TRAPPC9: variants seen among roughly 807,000 people sequenced by gnomAD.
TRAPPC9 encodes the protein trafficking protein particle complex subunit 9.
In TRAPPC9, 83 loss-of-function variants were observed where a neutral mutation model predicts 124.0. The ratio of observed to expected loss-of-function variants is 0.67; its 90% confidence interval spans 0.56 to 0.80. The LOEUF (loss-of-function observed/expected upper bound fraction) is 0.80. Ranked by LOEUF, TRAPPC9 falls within the 30% of genes least tolerant of loss-of-function variation. The pLI is 0.00. For synonymous variants in TRAPPC9, 638 were observed against 617.5 expected (o/e 1.03, Z -0.49); for missense variants, 1,302 against 1,508.3 (o/e 0.86, Z 2.27).
rs775060710 is a variant in TRAPPC9 at position 139,730,038 on chromosome 8, G to T, written c.*1023C>A. ...CTGGCCCTCAAGGGAGATGTGAGCC[G>T]TGTGCTTTCTCTCTCCGGTCCTCCC... On this transcript the variant is annotated 3_prime_UTR_variant, in exon 23 of 23. Coordinates refer to ENST00000438773, the MANE Select transcript of TRAPPC9 (RefSeq NM_001160372.4). Among the ~76,000 whole-genome samples the T allele has an allele frequency of 6.6e-6, 1 of 152,150 alleles. No individual in the cohort carries two copies. Among genetic ancestry groups the T allele is most frequent in the Non-Finnish European group, 1.5e-5 (1 of 68,018 alleles).
intron 15 of TRAPPC9, among the ~76,000 whole-genome samples, chr8:140,260,259 G>A (rs184541634): frequency 2.6e-4 from 40 of 152,248 alleles, no homozygotes; most frequent in African/African-American, 8.7e-4. Context: ...GCAAATCCAC[G>A]TGCAAGACTG....
At chr8:140,254,432 C>T (rs933507971) in intron 15 of TRAPPC9, among the ~76,000 whole-genome samples, 15 of 152,218 alleles carry the variant, frequency 9.9e-5, no homozygotes, top group Non-Finnish European at 1.5e-4. Context: ...CATGGCCCTA[C>T]GTGGCATGGT....
At chr8:139,976,656 G>A (rs1836497709) in intron 19 of TRAPPC9, among the ~76,000 whole-genome samples, 1 of 152,196 alleles carries the variant, frequency 6.6e-6, no homozygotes. Flanking sequence ...CTGAGAAAAC[G>A]CTCCCATCAG....
At chr8:139,934,645 C>T (rs114177084) in intron 19 of TRAPPC9, among the ~76,000 whole-genome samples, 49 of 152,312 alleles carry the variant, frequency 3.2e-4, no homozygotes, top group African/African-American at 1.0e-3. Context: ...GCCTTCCATC[C>T]GCCGAGGAAT....
chr8:139,876,280 C>A (rs747163199), intron 21 of TRAPPC9, among the ~76,000 whole-genome samples: 2 of 152,218 alleles, frequency 1.3e-5, no homozygotes, highest in African/African-American at 4.8e-5. Context: ...GACTCCTGAA[C>A]GGAGCTGGCT....
intron 20 of TRAPPC9, among the ~76,000 whole-genome samples, chr8:139,900,417 T>C (rs1830948169): frequency 6.6e-6 from 1 of 152,266 alleles, no homozygotes; most frequent in African/African-American, 2.4e-5. Flanking sequence ...GCACGCATCC[T>C]GTCCTTGCTG....
chr8:140,157,943 C>A (rs1478699456), intron 17 of TRAPPC9, among the ~76,000 whole-genome samples: 1 of 152,116 alleles, frequency 6.6e-6, no homozygotes, highest in Non-Finnish European at 1.5e-5. Flanking sequence ...TTTCTTAAGT[C>A]ATAGGTATTT....
chr8:140,059,580 C>G (rs144195291), intron 17 of TRAPPC9, among the ~76,000 whole-genome samples: 2 of 152,318 alleles, frequency 1.3e-5, no homozygotes, highest in African/African-American at 2.4e-5. Context: ...AGTACAGGTG[C>G]GTTCCACCTA....
chr8:140,253,018 C>T, intron 15 of TRAPPC9, 89 bp from the exon 16 acceptor site: 10 of 1,317,786 alleles, frequency 7.6e-6, no homozygotes, highest in Non-Finnish European at 9.7e-6. Flanking sequence ...GATGCATTCT[C>T]AAAAGCCAAG....
chr8:140,001,481 T>A (rs1333170650), intron 18 of TRAPPC9, among the ~76,000 whole-genome samples: 1 of 151,906 alleles, frequency 6.6e-6, no homozygotes, highest in Non-Finnish European at 1.5e-5. Flanking sequence ...TGAATTAAAA[T>A]GAAAGCAGAC....
chr8:140,335,996 C>A (rs2067025222), intron 9 of TRAPPC9, among the ~76,000 whole-genome samples: 1 of 152,140 alleles, frequency 6.6e-6, no homozygotes, highest in East Asian at 1.9e-4. Context: ...GTGCAAGCCA[C>A]CGCACCTGGC....
chr8:140,331,263 T>A (rs574042353), intron 9 of TRAPPC9, among the ~76,000 whole-genome samples: 1 of 152,000 alleles, frequency 6.6e-6, no homozygotes, highest in African/African-American at 2.4e-5. Context: ...AAACTGGATA[T>A]AAGTATGCAG....
In TRAPPC9 at chr8:139,730,769, TG is replaced by T. The variant is rs1279767710; in HGVS notation, c.*291del. The T allele has an allele frequency of 4.3e-6, 2 of 464,260 alleles. No individual in the cohort carries two copies. Among genetic ancestry groups the T allele is most frequent in the African/African-American group, 2.0e-5 (1 of 51,066 alleles). 28.8% of individuals were successfully genotyped at this position (464,260 alleles called of 1,614,324 possible). A position where few individuals can be genotyped will look rare whatever the true frequency, so the allele number is the denominator to read the frequency against. The stretch of plus-strand genomic sequence containing the variant: ...GTCACAGAAATGGGTGCAGGGATCC[TG>T]GGACCTGGGCTGGATGGGCACCCGC... On this transcript the variant is annotated 3_prime_UTR_variant, in exon 23 of 23. Transcript: ENST00000438773.
chr8:140,052,584 C>A (rs1842065678), intron 17 of TRAPPC9, among the ~76,000 whole-genome samples: 1 of 152,126 alleles, frequency 6.6e-6, no homozygotes, highest in Non-Finnish European at 1.5e-5. Context: ...GAGTTTGAGA[C>A]CAGCCTGGCC....
At chr8:140,014,263 A>G (rs373256865) in intron 18 of TRAPPC9, among the ~76,000 whole-genome samples, 2 of 152,288 alleles carry the variant, frequency 1.3e-5, no homozygotes, top group South Asian at 2.1e-4. Context: ...ATTGCTCCTC[A>G]GGAGAGAGGG....
At chr8:140,288,803 C>T (rs535659918) in intron 12 of TRAPPC9, among the ~76,000 whole-genome samples, 2 of 152,260 alleles carry the variant, frequency 1.3e-5, no homozygotes, top group Admixed American at 1.3e-4. Context: ...ATAAACCTAA[C>T]AAATGACAGG....
intron 20 of TRAPPC9, among the ~76,000 whole-genome samples, chr8:139,888,711 A>T (rs979061918): frequency 6.6e-6 from 1 of 152,126 alleles, no homozygotes; most frequent in Non-Finnish European, 1.5e-5. Context: ...CTCATTACAC[A>T]CACAGCCTAT....
At chr8:139,900,071 G>A (rs552987626) in intron 20 of TRAPPC9, among the ~76,000 whole-genome samples, 4 of 152,254 alleles carry the variant, frequency 2.6e-5, no homozygotes, top group South Asian at 4.2e-4. Context: ...CCCGTCACTC[G>A]CTGGGTCAAA....
At chr8:139,832,369 G>A (rs929261410) in intron 21 of TRAPPC9, among the ~76,000 whole-genome samples, 8 of 152,250 alleles carry the variant, frequency 5.3e-5, no homozygotes, top group South Asian at 4.1e-4. Flanking sequence ...GACAGAATGC[G>A]CGGGGTGTTC....
Sources: gnomAD v4.1 joint callset for allele counts (sites outside exome capture counted in the v4.1 genomes callset) on GRCh38, gnomAD v4.1.1 for gene constraint, MANE v1.5 for transcripts, NCBI Gene and HGNC (gene_info 2026-07-23, HGNC 2026-07-21) for gene names.